Variants in KCNK10 observed in about 807,000 individuals in gnomAD.
KCNK10 encodes the protein potassium channel subfamily K member 10.
Under a neutral mutation model 47.7 loss-of-function variants are expected in KCNK10, and 25 were observed. The observed-to-expected ratio is 0.52, with a 90% CI of 0.38 to 0.73. KCNK10 has a LOEUF of 0.73. Among genes scored for constraint, KCNK10 ranks in the 30% least tolerant of loss-of-function variants. KCNK10 has a pLI of 0.00. For synonymous variants in KCNK10, 303 were observed against 285.6 expected (o/e 1.06, Z -0.61); for missense variants, 563 against 714.5 (o/e 0.79, Z 2.42).
At chr14:88,261,627 GCCTGT>G (rs1262177339) in intron 2 of KCNK10, among the ~76,000 whole-genome samples, 62 of 152,242 alleles carry the variant, frequency 4.1e-4, no homozygotes, top group Non-Finnish European at 7.8e-4. Flanking sequence ...GGTGGCACAT[GCCTGT>G]AGTCCCAGCT....
At chr14:88,207,158 A>G (rs1031696815) in intron 4 of KCNK10, among the ~76,000 whole-genome samples, 1 of 149,972 alleles carries the variant, frequency 6.7e-6, no homozygotes, top group South Asian at 2.1e-4. Flanking sequence ...TTCGATTTCA[A>G]GGTCACTCTC....
At chr14:88,269,559 C>A (rs567258412) in intron 1 of KCNK10, among the ~76,000 whole-genome samples, 2 of 152,098 alleles carry the variant, frequency 1.3e-5, no homozygotes, top group African/African-American at 2.4e-5. Flanking sequence ...ACCCCAGCCT[C>A]CCCAGTAGCT....
At chr14:88,317,170 A>G (rs1035979083) in intron 1 of KCNK10, among the ~76,000 whole-genome samples, 1 of 152,216 alleles carries the variant, frequency 6.6e-6, no homozygotes, top group East Asian at 1.9e-4. Flanking sequence ...ATTTTGGCAC[A>G]TTTTAAATCC....
In KCNK10 at chr14:88,183,716, G is replaced by A. The variant is rs1161797243; in HGVS notation, c.*1819C>T. 1 of 152,356 alleles carries A rather than the reference G, an allele frequency of 6.6e-6. No individual in the cohort carries two copies. 9.4% of individuals were successfully genotyped at this position (152,356 alleles called of 1,614,324 possible). A position where few individuals can be genotyped will look rare whatever the true frequency, so the allele number is the denominator to read the frequency against. ...ACTTCAACAGAGCCTAAAGGTCTGG[G>A]GACAGGGAGATGGGACTTCATGTGC... On this transcript the variant is annotated 3_prime_UTR_variant, in exon 7 of 7. Transcript: ENST00000319231.
At chr14:88,201,179 G>T (rs1377303198) in intron 4 of KCNK10, among the ~76,000 whole-genome samples, 1 of 152,206 alleles carries the variant, frequency 6.6e-6, no homozygotes, top group South Asian at 2.1e-4. Context: ...CAAGTACCTT[G>T]ACATCCTAGG....
chr14:88,220,416 C>CAAAAAAAAAAAAA (rs58562095), intron 4 of KCNK10, among the ~76,000 whole-genome samples: 3 of 30,160 alleles, frequency 9.9e-5, no homozygotes, highest in African/African-American at 1.5e-4. Flanking sequence ...GACTCCGTCT[C>CAAAAAAAAAAAAA]AAAAAAAAAA....
intron 3 of KCNK10, among the ~76,000 whole-genome samples, chr14:88,230,103 A>C (rs1397302099): frequency 6.6e-6 from 1 of 152,212 alleles, no homozygotes; most frequent in Non-Finnish European, 1.5e-5. Context: ...AATGAGTTAC[A>C]TGCAAAGCAA....
At chr14:88,202,794 G>A (rs1235926502) in intron 4 of KCNK10, among the ~76,000 whole-genome samples, 1 of 152,098 alleles carries the variant, frequency 6.6e-6, no homozygotes, top group Non-Finnish European at 1.5e-5. Context: ...CGGTTGCGGG[G>A]GGTGGGTGGT....
At chr14:88,276,312 A>G (rs1887527037) in intron 1 of KCNK10, among the ~76,000 whole-genome samples, 1 of 146,428 alleles carries the variant, frequency 6.8e-6, no homozygotes, top group Admixed American at 6.6e-5. Flanking sequence ...CACAGCAGGA[A>G]GACAGCTGTC....
At position 88,180,775 on chromosome 14, in the gene KCNK10, T is replaced by C. The variant is rs1595064194; in HGVS notation, c.*4760A>G. 2 of 398,480 alleles carry C rather than the reference T, an allele frequency of 5.0e-6. No homozygotes were observed. The highest frequency in any genetic ancestry group is 4.4e-6 in the Non-Finnish European group (1 of 226,040). 24.7% of individuals were successfully genotyped at this position (398,480 alleles called of 1,614,324 possible). The stretch of plus-strand genomic sequence containing the variant: ...GAGGTTTACATGGAGTATGGATGGG[T>C]TGGTGAAGTCCAATGAAGGTATGGT... On this transcript the variant is annotated 3_prime_UTR_variant, in exon 7 of 7. Transcript: ENST00000319231.
intron 1 of KCNK10, among the ~76,000 whole-genome samples, chr14:88,265,447 T>C (rs1353694007): frequency 6.6e-6 from 1 of 152,128 alleles, no homozygotes; most frequent in Non-Finnish European, 1.5e-5. Context: ...GGAAGGATCC[T>C]CCCCTAGAGC....
intron 4 of KCNK10, among the ~76,000 whole-genome samples, chr14:88,224,727 C>G (rs950574020): frequency 6.6e-6 from 1 of 152,152 alleles, no homozygotes; most frequent in South Asian, 2.1e-4. Context: ...CTAATGCCTC[C>G]GCCTCCCAAG....
intron 1 of KCNK10, among the ~76,000 whole-genome samples, chr14:88,304,021 T>C (rs1435675556): frequency 1.3e-5 from 2 of 152,022 alleles, no homozygotes; most frequent in African/African-American, 2.4e-5. Context: ...AGCATCTCAA[T>C]AGCAATCAAA....
chr14:88,326,560 G>T, upstream of KCNK10: 2 of 828,914 alleles, frequency 2.4e-6, no homozygotes, highest in African/African-American at 1.7e-5. Context: ...AGACTGCCTA[G>T]CGTTCCTGCG....
At position 88,224,136 on chromosome 14, in the gene KCNK10, A is replaced by C. The variant is rs552724710; in HGVS notation, c.681+3239T>G. ...TTTTACCTTTCCTTTGTTTCTGAACATCATCTGAGAGCAAAATTAAACATT... is the reference window on the plus strand; with the variant it reads ...TTTTACCTTTCCTTTGTTTCTGAACCTCATCTGAGAGCAAAATTAAACATT... On this transcript the variant is annotated intron_variant, in intron 4 of 6. Transcript: ENST00000319231. 1.6e-4 allele frequency among the ~76,000 whole-genome samples: 24 copies of C among 152,322 alleles called. 1 individual carries two copies. In the South Asian group the frequency reaches 4.8e-3, roughly 30 times the overall value.
chr14:88,221,070 G>A (rs1885793642), intron 4 of KCNK10, among the ~76,000 whole-genome samples: 1 of 152,010 alleles, frequency 6.6e-6, no homozygotes, highest in African/African-American at 2.4e-5. Flanking sequence ...GGGAGACCGA[G>A]GCAGGTGGAT....
chr14:88,237,361 T>C (rs1886327753), intron 3 of KCNK10, among the ~76,000 whole-genome samples: 1 of 152,204 alleles, frequency 6.6e-6, no homozygotes. Context: ...AGCCTTGGAA[T>C]CAACTTCTTC....
rs184924105 is a variant in KCNK10, at chr14:88,280,736, C to T, written c.53-17185G>A. On this transcript the variant is annotated intron_variant, in intron 1 of 6. Transcript: ENST00000319231. The stretch of plus-strand genomic sequence containing the variant: ...CTCCCCAATAGTTCTCTCATTTCTA[C>T]CGCCAAAATAGACCTGCAAACAATC... 7.5e-4 allele frequency among the ~76,000 whole-genome samples: 114 copies of T among 152,274 alleles called. 1 individual carries two copies. Among genetic ancestry groups the T allele is most frequent in the Admixed American group, 7.3e-3 (112 of 15,288 alleles).
intron 1 of KCNK10, among the ~76,000 whole-genome samples, chr14:88,311,185 G>A (rs1055264488): frequency 6.6e-6 from 1 of 152,132 alleles, no homozygotes; most frequent in Non-Finnish European, 1.5e-5. Context: ...CCCCAGGTAA[G>A]GCCAGCACTA....
Sources: gnomAD v4.1 joint callset for allele counts (sites outside exome capture counted in the v4.1 genomes callset) on GRCh38, gnomAD v4.1.1 for gene constraint, MANE v1.5 for transcripts, NCBI Gene and HGNC (gene_info 2026-07-23, HGNC 2026-07-21) for gene names.